PLAC8L1: variants seen among roughly 807,000 people sequenced by gnomAD.
PLAC8L1 encodes PLAC8-like protein 1.
PLAC8L1 carries 13 observed loss-of-function variants against 16.3 expected under a neutral mutation model. The observed-to-expected ratio is 0.80, with a 90% CI of 0.52 to 1.27. The LOEUF (loss-of-function observed/expected upper bound fraction) is 1.27. Ranked by LOEUF, PLAC8L1 falls within the 50% of genes most tolerant of loss-of-function variation. PLAC8L1 has a pLI of 0.00. For missense variants in PLAC8L1, 184 were observed against 220.2 expected (o/e 0.84, Z 1.04); for synonymous variants, 78 against 79.3 (o/e 0.98, Z 0.09).
intron 2 of PLAC8L1, among the ~76,000 whole-genome samples, chr5:146,087,686 C>A (rs550230464): frequency 6.6e-6 from 1 of 152,240 alleles, no homozygotes; most frequent in South Asian, 2.1e-4. Flanking sequence ...ACCACCACAT[C>A]CAGTGTATTA....
rs1184885634 is a variant in PLAC8L1 at position 146,085,514 on chromosome 5, G to C, written c.340C>G (p.Pro114Ala). Reference sequence around the variant, plus strand: ...ATTCTCAGTGCAAAGGTGGACCCAGGTAACAACGGCCAACAAAGACACTCT... The same window carrying C: ...ATTCTCAGTGCAAAGGTGGACCCAGCTAACAACGGCCAACAAAGACACTCT... ...YGECLCWPLL[P>A]GSTFALRIGT... Residue 114 changes from proline to alanine, a missense_variant, in exon 3 of 4, where the codon CCT becomes GCT. Pro to Ala is a conservative substitution (Grantham distance 27). Coordinates refer to ENST00000311450, the MANE Select transcript of PLAC8L1 (RefSeq NM_001029869.3). 3 of 1,614,074 alleles carry C rather than the reference G, an allele frequency of 1.9e-6. No homozygotes were observed.
At chr5:146,090,359 C>A (rs1763590779) in intron 2 of PLAC8L1, among the ~76,000 whole-genome samples, 6 of 151,318 alleles carry the variant, frequency 4.0e-5, no homozygotes, top group South Asian at 4.2e-4. Context: ...CATGATGAAA[C>A]CCCATCTCCA....
chr5:146,103,920 T>C (rs1021625240), intron 1 of PLAC8L1: 13 of 985,298 alleles, frequency 1.3e-5, no homozygotes, highest in Admixed American at 6.2e-5. Flanking sequence ...TGATTGGCAG[T>C]CTCTAAAAAT....
chr5:146,087,855 G>A (rs1763542216), intron 2 of PLAC8L1, among the ~76,000 whole-genome samples: 1 of 152,220 alleles, frequency 6.6e-6, no homozygotes, highest in Non-Finnish European at 1.5e-5. Context: ...GGAAGGCTAA[G>A]GAGAAGCAGG....
Position 146,104,629 on chromosome 5 carries a change from G to A in PLAC8L1, c.-318C>T, listed in dbSNP as rs1422719836. ...CTCTAGTAAACATTTATCTAGCTAA[G>A]TGCCACTTGACCGTTCCTTGGAAGA... On this transcript the variant is annotated 5_prime_UTR_variant, in exon 1 of 4. Coordinates refer to ENST00000311450, the MANE Select transcript of PLAC8L1 (RefSeq NM_001029869.3). The A allele has an allele frequency of 2.5e-5, 6 of 239,870 alleles. No homozygotes were observed. The highest frequency in any genetic ancestry group is 4.8e-5 in the Non-Finnish European group (6 of 124,290). The allele number at this position is 239,870 out of a possible 1,614,324, so 14.9% of individuals were successfully genotyped here. A position where few individuals can be genotyped will look rare whatever the true frequency, so the allele number is the denominator to read the frequency against.
At chr5:146,104,158 C>CA in intron 1 of PLAC8L1, 35 bp downstream of exon 1, 27 of 1,607,386 alleles carry the variant, frequency 1.7e-5, no homozygotes, top group Non-Finnish European at 2.3e-5. Context: ...AACTAAAGAG[C>CA]AAAAGCTAGG....
rs762455830 is a variant in PLAC8L1, at chr5:146,104,271, T to G, written c.41A>C (p.Asp14Ala). 8.1e-6 allele frequency: 13 copies of G among 1,613,680 alleles called. No homozygotes were observed. Among genetic ancestry groups the G allele is most frequent in the Admixed American group, 3.3e-5 (2 of 59,998 alleles). Residue 14 changes from aspartate (D) to alanine (A), a missense_variant, in exon 1 of 4, where the codon GAT becomes GCT. Coordinates refer to ENST00000311450, the MANE Select transcript of PLAC8L1 (RefSeq NM_001029869.3). The stretch of plus-strand genomic sequence containing the variant: ...TGAGTATATGTTGAGTAAGGAAAGA[T>G]CCTCAGGACACCTGAAGAAGTTACT... ...FGSNFFRCPE[D>A]LSLLNIYSPL...
chr5:146,087,766 C>T (rs1763540733), intron 2 of PLAC8L1, among the ~76,000 whole-genome samples: 1 of 152,164 alleles, frequency 6.6e-6, no homozygotes. Flanking sequence ...GGTTTCATTG[C>T]CTTACAGTTT....
Position 146,105,230 on chromosome 5 carries a change from C to T in PLAC8L1, c.-919G>A, listed in dbSNP as rs1347880185. 6.6e-6 allele frequency among the ~76,000 whole-genome samples: 1 copy of T among 152,178 alleles called. No individual in the cohort carries two copies. The highest frequency in any genetic ancestry group is 2.4e-5 in the African/African-American group (1 of 41,436). ...TGCCAATTATATCATATATTCTTTT[C>T]ATCAGACCCATAGAGAATGGTTGCT... On this transcript the variant is annotated 5_prime_UTR_variant, in exon 1 of 4. The change abolishes an upstream ATG in the 5' untranslated region. Coordinates refer to ENST00000311450, the MANE Select transcript of PLAC8L1 (RefSeq NM_001029869.3).
intron 1 of PLAC8L1, chr5:146,099,275 T>C (rs959124925): frequency 7.9e-5 from 12 of 152,212 alleles, no homozygotes; most frequent in African/African-American, 2.9e-4. Context: ...TCATTAAGAT[T>C]TTGCACCTGT....
chr5:146,098,012 G>T, intron 2 of PLAC8L1, 144 bp downstream of exon 2: 2 of 947,904 alleles, frequency 2.1e-6, no homozygotes, highest in Non-Finnish European at 1.5e-6. Flanking sequence ...CAGACAAGGA[G>T]TACATTTGAG....
rs6877277 is a variant in PLAC8L1 at position 146,098,292 on chromosome 5, T to C, written c.120A>G (p.Arg40=). The change falls in exon 2 of 4, where the codon AGA becomes AGG. Residue 40 remains arginine, a splice_region_variant and synonymous_variant. Coordinates refer to ENST00000311450, the MANE Select transcript of PLAC8L1 (RefSeq NM_001029869.3). ...CCACAGCGCTGGCTGGTACATGGCC[T>C]CTGGAGAGTCAAGGATGATGATTAA... ...SEDEHFISNL[R]GHVPASAVVK... The C allele has an allele frequency of 0.28, 454,076 of 1,612,400 alleles. 66,533 individuals are homozygous for C. The highest frequency in any genetic ancestry group is 0.43 in the Admixed American group (25,628 of 59,864).
At chr5:146,097,569 C>A (rs1369817323) in intron 2 of PLAC8L1, among the ~76,000 whole-genome samples, 3 of 152,176 alleles carry the variant, frequency 2.0e-5, no homozygotes, top group African/African-American at 7.2e-5. Context: ...CAATGTGTTT[C>A]TTTAATGTAA....
chr5:146,091,317 T>C (rs188600307), intron 2 of PLAC8L1, among the ~76,000 whole-genome samples: 15 of 152,284 alleles, frequency 9.9e-5, no homozygotes, highest in African/African-American at 3.6e-4. Context: ...ACAACATGAA[T>C]GTATATTAAC....
At chr5:146,100,425 A>G (rs1763794930) in intron 1 of PLAC8L1, among the ~76,000 whole-genome samples, 1 of 150,508 alleles carries the variant, frequency 6.6e-6, no homozygotes, top group African/African-American at 2.4e-5. Context: ...CCTACCATGG[A>G]AAAAAAAAAT....
At chr5:146,091,848 T>C (rs1474650690) in intron 2 of PLAC8L1, among the ~76,000 whole-genome samples, 1 of 152,152 alleles carries the variant, frequency 6.6e-6, no homozygotes, top group African/African-American at 2.4e-5. Context: ...TTCCCTTTTC[T>C]GTAATGTTTC....
intron 2 of PLAC8L1, among the ~76,000 whole-genome samples, chr5:146,086,934 T>C (rs1763526099): frequency 6.6e-6 from 1 of 152,214 alleles, no homozygotes. Flanking sequence ...CCATCAGTGT[T>C]CTGTGGGATG....
chr5:146,104,375 A>G lies in PLAC8L1; in HGVS notation c.-64T>C. ...TCCCTTTGGCAATAAGCTGGTTTCT[A>G]AACTTCGGATTAGTCCAAAGTGAAA... On this transcript the variant is annotated 5_prime_UTR_variant, in exon 1 of 4. Transcript: ENST00000311450. 7.7e-7 allele frequency: 1 copy of G among 1,302,626 alleles called. No individual in the cohort carries two copies. The highest frequency in any genetic ancestry group is 1.1e-6 in the Non-Finnish European group (1 of 899,594). 80.7% of individuals were successfully genotyped at this position (1,302,626 alleles called of 1,614,324 possible). A position where few individuals can be genotyped will look rare whatever the true frequency, so the allele number is the denominator to read the frequency against.
chr5:146,089,854 T>C (rs1294829003), intron 2 of PLAC8L1, among the ~76,000 whole-genome samples: 1 of 151,554 alleles, frequency 6.6e-6, no homozygotes, highest in African/African-American at 2.4e-5. Context: ...TTCTCCTGCC[T>C]CAGCCTCTCG....
Sources: gnomAD v4.1 joint callset for allele counts (sites outside exome capture counted in the v4.1 genomes callset) on GRCh38, gnomAD v4.1.1 for gene constraint, MANE v1.5 for transcripts, NCBI Gene and HGNC (gene_info 2026-07-23, HGNC 2026-07-21) for gene names.